Variants in AHI1 observed in about 807,000 individuals in gnomAD.
The protein encoded by AHI1 is Abelson helper integration site 1.
AHI1 carries 123 observed loss-of-function variants against 149.3 expected under a neutral mutation model. The observed-to-expected ratio is 0.82, with a 90% CI of 0.71 to 0.96. The LOEUF is 0.96. Among genes scored for constraint, AHI1 ranks in the 40% least tolerant of loss-of-function variants. The pLI is 0.00. For missense variants in AHI1, 1,439 were observed against 1,422.7 expected (o/e 1.01, Z -0.18); for synonymous variants, 475 against 459.8 (o/e 1.03, Z -0.42).
At chr6:135,355,649 C>G (rs1022342819) in intron 24 of AHI1, among the ~76,000 whole-genome samples, 1 of 152,054 alleles carries the variant, frequency 6.6e-6, no homozygotes, top group African/African-American at 2.4e-5. Flanking sequence ...GCCTGTAATC[C>G]CAGCACTTTG....
chr6:135,484,794 C>A (rs1329124481), intron 5 of AHI1, among the ~76,000 whole-genome samples: 2 of 150,682 alleles, frequency 1.3e-5, no homozygotes, highest in Non-Finnish European at 2.9e-5. Flanking sequence ...TTTATTCATT[C>A]ATTCAACAAA....
At chr6:135,453,190 G>T in intron 11 of AHI1, 151 bp downstream of exon 11, 1 of 693,744 alleles carries the variant, frequency 1.4e-6, no homozygotes, top group Admixed American at 2.7e-5. Flanking sequence ...ATCTGAATGA[G>T]CATAACCTGA....
At chr6:135,435,769 A>G (rs891747171) in intron 15 of AHI1, among the ~76,000 whole-genome samples, 2 of 152,228 alleles carry the variant, frequency 1.3e-5, no homozygotes, top group Non-Finnish European at 2.9e-5. Flanking sequence ...TGAGGTCAAT[A>G]GCAACAATTT....
chr6:135,321,218 G>A (rs1562495390), intron 25 of AHI1, among the ~76,000 whole-genome samples: 1 of 152,022 alleles, frequency 6.6e-6, no homozygotes, highest in Non-Finnish European at 1.5e-5. Flanking sequence ...AGCCGTGACT[G>A]CATCACTGCA....
At chr6:135,330,858 T>C (rs1788481306) in intron 24 of AHI1, among the ~76,000 whole-genome samples, 1 of 152,232 alleles carries the variant, frequency 6.6e-6, no homozygotes, top group South Asian at 2.1e-4. Flanking sequence ...CATCATATTG[T>C]ATGTAGTAAA....
intron 27 of AHI1, among the ~76,000 whole-genome samples, chr6:135,296,353 T>A (rs755634189): frequency 1.1e-4 from 17 of 152,194 alleles, no homozygotes; most frequent in Non-Finnish European, 2.2e-4. Context: ...TATTCTTATC[T>A]TAAATGTCAG....
chr6:135,294,725 A>C (rs1384858808), intron 27 of AHI1, among the ~76,000 whole-genome samples: 2 of 149,520 alleles, frequency 1.3e-5, no homozygotes, highest in Non-Finnish European at 3.0e-5. Context: ...AAAGAAAAAG[A>C]AAAAAAAGAA....
At chr6:135,334,480 A>G (rs76921235) in intron 24 of AHI1, among the ~76,000 whole-genome samples, 1,563 of 152,334 alleles carry the variant, frequency 0.01, 32 homozygotes, top group African/African-American at 0.036. Flanking sequence ...TCAGTCATTT[A>G]TAAGTCACTC....
intron 24 of AHI1, among the ~76,000 whole-genome samples, chr6:135,357,026 C>T (rs1400805098): frequency 1.3e-5 from 2 of 152,152 alleles, no homozygotes; most frequent in East Asian, 1.9e-4. Context: ...GCAACCTTCA[C>T]CTCCTGGGTT....
rs536510347 is a variant in AHI1 at position 135,301,706 on chromosome 6, G to A, written c.3427-1148C>T. 1,783 of 985,428 alleles carry A rather than the reference G, an allele frequency of 1.8e-3. 3 individuals are homozygous for A. Among genetic ancestry groups the A allele is most frequent in the Non-Finnish European group, 2.0e-3 (1,649 of 829,934 alleles). 61.0% of individuals were successfully genotyped at this position (985,428 alleles called of 1,614,324 possible). On this transcript the variant is annotated intron_variant, in intron 26 of 28. Transcript: ENST00000265602. ...TTGGTGAAAGGTGAGTGTTGCAACA[G>A]GTGACCCATTTGGTAGAACAACAAA...
Position 135,466,025 on chromosome 6 carries a change from T to G in AHI1, c.538A>C (p.Thr180Pro). Reference sequence around the variant, plus strand: ...AATTCTTCATCCTCTTCTAAATCAGTCTCTTCTCTTCCCTCATTTGCCTTC... The same window carrying G: ...AATTCTTCATCCTCTTCTAAATCAGGCTCTTCTCTTCCCTCATTTGCCTTC... ...SEKANEGREE[T>P]DLEEDEELMQ... Residue 180 changes from threonine (T) to proline (P), a missense_variant, in exon 7 of 29, where the codon ACT becomes CCT. By Grantham distance (38) the Thr-to-Pro change is conservative. Transcript: ENST00000265602. 6.2e-7 allele frequency: 1 copy of G among 1,613,948 alleles called. No individual in the cohort carries two copies. Among genetic ancestry groups the G allele is most frequent in the Non-Finnish European group, 8.5e-7 (1 of 1,179,864 alleles).
At chr6:135,320,252 C>G (rs973103472) in intron 25 of AHI1, among the ~76,000 whole-genome samples, 9 of 151,544 alleles carry the variant, frequency 5.9e-5, no homozygotes, top group African/African-American at 2.2e-4. Flanking sequence ...CTGGTCTATA[C>G]AAGGCTTTTT....
chr6:135,421,861 A>G (rs1426811198), intron 20 of AHI1, among the ~76,000 whole-genome samples: 2 of 152,158 alleles, frequency 1.3e-5, no homozygotes, highest in Non-Finnish European at 2.9e-5. Context: ...AAAATGTGGC[A>G]TTTCTATCTT....
chr6:135,468,001 TG>T (rs1791059894), intron 5 of AHI1, among the ~76,000 whole-genome samples: 1 of 152,186 alleles, frequency 6.6e-6, no homozygotes, highest in African/African-American at 2.4e-5. Context: ...CAATACATAC[TG>T]GGGTTTGATC....
intron 20 of AHI1, among the ~76,000 whole-genome samples, chr6:135,418,865 TCTA>T (rs1413246216): frequency 1.3e-5 from 2 of 150,962 alleles, no homozygotes; most frequent in Admixed American, 6.6e-5. Flanking sequence ...AGTTGGTAGT[TCTA>T]CTTAGTTTCC....
At chr6:135,393,636 C>A (rs1485241494) in intron 23 of AHI1, among the ~76,000 whole-genome samples, 1 of 152,042 alleles carries the variant, frequency 6.6e-6, no homozygotes, top group African/African-American at 2.4e-5. Context: ...TTAAACATTT[C>A]TAAGGTTTGA....
intron 5 of AHI1, among the ~76,000 whole-genome samples, chr6:135,487,714 T>C (rs1794679777): frequency 6.6e-6 from 1 of 152,130 alleles, no homozygotes; most frequent in Non-Finnish European, 1.5e-5. Flanking sequence ...AAATATACAA[T>C]AAATTATTAA....
chr6:135,369,580 A>C (rs1442121890), intron 23 of AHI1, among the ~76,000 whole-genome samples: 1 of 151,960 alleles, frequency 6.6e-6, no homozygotes, highest in Non-Finnish European at 1.5e-5. Flanking sequence ...CTTCACCCAT[A>C]TTTTCTGTTT....
In AHI1 at chr6:135,448,398, T is replaced by A. The variant is rs1460484266; in HGVS notation, c.1518A>T (p.Arg506=). 1.2e-6 allele frequency: 2 copies of A among 1,607,048 alleles called. No individual in the cohort carries two copies. Among genetic ancestry groups the A allele is most frequent in the African/African-American group, 1.3e-5 (1 of 75,000 alleles). Residue 506 remains arginine (R), a synonymous_variant, in exon 12 of 29, where the codon CGA becomes CGT. Coordinates refer to ENST00000265602, the MANE Select transcript of AHI1 (RefSeq NM_001134831.2). Reference sequence around the variant, plus strand: ...ATGCCTCAACAACACTTAATGGGGATCGAGGCTTAGTAGGTGGGTAATATA... The same window carrying A: ...ATGCCTCAACAACACTTAATGGGGAACGAGGCTTAGTAGGTGGGTAATATA... ...LQLYYPPTKP[R]SPLSVVEAFE...
Sources: gnomAD v4.1 joint callset for allele counts (sites outside exome capture counted in the v4.1 genomes callset) on GRCh38, gnomAD v4.1.1 for gene constraint, MANE v1.5 for transcripts, NCBI Gene and HGNC (gene_info 2026-07-23, HGNC 2026-07-21) for gene names.